The following ABAT variants were observed in gnomAD, a reference collection of about 807,000 sequenced individuals.
ABAT encodes the protein 4-aminobutyrate aminotransferase.
Under a neutral mutation model 64.6 loss-of-function variants are expected in ABAT, and 45 were observed. The observed-to-expected ratio is 0.70, with a 90% CI of 0.55 to 0.89. ABAT has a LOEUF of 0.89. ABAT is among the 40% of genes least tolerant of loss of function. The pLI is 0.00. For missense variants in ABAT, 633 were observed against 658.4 expected (o/e 0.96, Z 0.42); for synonymous variants, 297 against 250.5 (o/e 1.19, Z -1.75).
In ABAT at chr16:8,764,874, AG is replaced by A. The variant is rs1326887377; in HGVS notation, c.540+45del. 6.6e-6 allele frequency: 10 copies of A among 1,514,926 alleles called. No homozygotes were observed. Among genetic ancestry groups the A allele is most frequent in the South Asian group, 1.1e-5 (1 of 88,726 alleles). The allele number at this position is 1,514,926 out of a possible 1,614,324, so 93.8% of individuals were successfully genotyped here. ...ACACACACACACACACAGGCTCCCCAGCACCCAGCCACACGCTCACCCCTTG... is the reference window on the plus strand; with the variant it reads ...ACACACACACACACACAGGCTCCCCACACCCAGCCACACGCTCACCCCTTG... On this transcript the variant is annotated intron_variant, in intron 8 of 15. Coordinates refer to ENST00000268251, the MANE Select transcript of ABAT (RefSeq NM_020686.6). This position sits in a 1 kb window ranked among gnomAD's most constrained non-coding sequence, Gnocchi z 4.2.
intron 1 of ABAT, among the ~76,000 whole-genome samples, chr16:8,711,672 G>C (rs991156052): frequency 6.6e-6 from 1 of 151,922 alleles, no homozygotes. Context: ...CCAGAGATGG[G>C]TGGGTGGAAG....
At chr16:8,709,401 T>A (rs149817814) in intron 1 of ABAT, among the ~76,000 whole-genome samples, 3,887 of 151,368 alleles carry the variant, frequency 0.026, 92 homozygotes, top group Non-Finnish European at 0.038. Flanking sequence ...TGAGATGGAG[T>A]CTCACTCTGT....
At chr16:8,779,331 C>G in intron 14 of ABAT, 148 bp from the exon 15 acceptor site, 1 of 697,168 alleles carries the variant, frequency 1.4e-6, no homozygotes, top group Non-Finnish European at 2.6e-6. Flanking sequence ...CTGAATGTCC[C>G]CAGAGCTCTT....
At chr16:8,702,497 C>A (rs926118988) in intron 1 of ABAT, among the ~76,000 whole-genome samples, 5 of 152,302 alleles carry the variant, frequency 3.3e-5, no homozygotes, top group Non-Finnish European at 4.4e-5. Flanking sequence ...AAGTAATCCT[C>A]CCGCCTCGGC....
At chr16:8,763,494 A>T (rs972331058) in intron 6 of ABAT, among the ~76,000 whole-genome samples, 2 of 152,238 alleles carry the variant, frequency 1.3e-5, no homozygotes, top group African/African-American at 4.8e-5. Flanking sequence ...CTATACAGTG[A>T]TGCTGGTTTT....
intron 1 of ABAT, among the ~76,000 whole-genome samples, chr16:8,729,173 C>T (rs375661183): frequency 2.0e-5 from 3 of 149,896 alleles, no homozygotes; most frequent in African/African-American, 7.3e-5. Context: ...CTGGGCGTGG[C>T]GGCGTTCGCC....
intron 6 of ABAT, among the ~76,000 whole-genome samples, chr16:8,758,421 G>A (rs1322453520): frequency 1.3e-5 from 2 of 152,194 alleles, no homozygotes; most frequent in African/African-American, 4.8e-5. Flanking sequence ...TCAGCAGAGA[G>A]AAGAGGGCAG....
chr16:8,680,185 G>A (rs993748794), intron 1 of ABAT, among the ~76,000 whole-genome samples: 1 of 151,654 alleles, frequency 6.6e-6, no homozygotes, highest in African/African-American at 2.4e-5. Context: ...TTCTTCCTGG[G>A]TCCATCACAT....
chr16:8,713,716 G>C, intron 1 of ABAT: 1 of 352,130 alleles, frequency 2.8e-6, no homozygotes, highest in Admixed American at 3.4e-5. Context: ...TGGAAATCCG[G>C]GACACCCTCC....
chr16:8,745,964 G>A (rs1261306183), intron 2 of ABAT, 37 bp from the exon 3 acceptor site: 1 of 1,590,528 alleles, frequency 6.3e-7, no homozygotes. Context: ...GATCTCTGCT[G>A]TCACCAGGGA....
At chr16:8,713,935 G>A (rs1261932088) in intron 1 of ABAT, 1 of 455,934 alleles carries the variant, frequency 2.2e-6, no homozygotes, top group Non-Finnish European at 4.4e-6. Flanking sequence ...GCCATGGGGA[G>A]GTGGTGCCAG....
Position 8,764,203 on chromosome 16 carries a change from A to G in ABAT, c.447+54A>G, listed in dbSNP as rs1455370111. ...CTTCAGACGTGGTACTGGCAGGGGA[A>G]GGGAAAAGTGGAGACGCCAACAATG... On this transcript the variant is annotated intron_variant, in intron 7 of 15. Transcript: ENST00000268251. This position sits in a 1 kb window ranked among gnomAD's most constrained non-coding sequence, Gnocchi z 4.2. 3 of 1,473,406 alleles carry G rather than the reference A, an allele frequency of 2.0e-6. No individual in the cohort carries two copies. Among genetic ancestry groups the G allele is most frequent in the Non-Finnish European group, 2.8e-6 (3 of 1,054,916 alleles). 91.3% of individuals were successfully genotyped at this position (1,473,406 alleles called of 1,614,324 possible). A position where few individuals can be genotyped will look rare whatever the true frequency, so the allele number is the denominator to read the frequency against.
intron 1 of ABAT, among the ~76,000 whole-genome samples, chr16:8,730,308 C>T (rs1008327665): frequency 3.3e-5 from 5 of 152,028 alleles, no homozygotes; most frequent in South Asian, 2.1e-4. Flanking sequence ...CAATGGCAAC[C>T]GCCTCCCTCC....
chr16:8,767,590 G>A (rs1033118104), intron 9 of ABAT, among the ~76,000 whole-genome samples: 1 of 152,214 alleles, frequency 6.6e-6, no homozygotes, highest in African/African-American at 2.4e-5. Flanking sequence ...ACTTACAGCT[G>A]CCACAGGAGG....
intron 1 of ABAT, among the ~76,000 whole-genome samples, chr16:8,689,014 A>C (rs1240819331): frequency 6.7e-6 from 1 of 150,040 alleles, no homozygotes; most frequent in Admixed American, 6.7e-5. Context: ...CAGAAGGCAG[A>C]GGTTGCAGTG....
rs151263190 is a variant in ABAT at position 8,703,117 on chromosome 16, A to G, written c.-42+28406A>G. Among the ~76,000 whole-genome samples, 8 of 152,096 alleles carry G rather than the reference A, an allele frequency of 5.3e-5. No homozygotes were observed. The East Asian group carries it at 1.4e-3, about 26-fold the overall frequency. ...TTATATGAAAGGATACTGGCTTTCT[A>G]GATACAGTAATGATATAAAAGTTTC... is the stretch of plus-strand genomic sequence containing the variant. On this transcript the variant is annotated intron_variant, in intron 1 of 15. Coordinates refer to ENST00000268251, the MANE Select transcript of ABAT (RefSeq NM_020686.6).
At chr16:8,712,583 T>A (rs2058100826) in intron 1 of ABAT, among the ~76,000 whole-genome samples, 1 of 152,162 alleles carries the variant, frequency 6.6e-6, no homozygotes, top group East Asian at 1.9e-4. Flanking sequence ...TCCTTCCAGG[T>A]TCCCAATCTG....
chr16:8,721,355 G>C (rs1443952073), intron 1 of ABAT, among the ~76,000 whole-genome samples: 1 of 152,096 alleles, frequency 6.6e-6, no homozygotes, highest in African/African-American at 2.4e-5. Flanking sequence ...AGGGCCCACC[G>C]TCCACTCTTT....
At chr16:8,741,551 A>G (rs1176136988) in intron 2 of ABAT, among the ~76,000 whole-genome samples, 3 of 152,228 alleles carry the variant, frequency 2.0e-5, no homozygotes, top group Non-Finnish European at 4.4e-5. Context: ...ATTGCTCCAG[A>G]TGATTCCTGG....
Sources: gnomAD v4.1 joint callset for allele counts (sites outside exome capture counted in the v4.1 genomes callset) on GRCh38, gnomAD v4.1.1 for gene constraint, Gnocchi (gnomAD v3.1) non-coding constraint, MANE v1.5 for transcripts, NCBI Gene and HGNC (gene_info 2026-07-23, HGNC 2026-07-21) for gene names.